AGMAT: variants seen among roughly 807,000 people sequenced by gnomAD.
The protein encoded by AGMAT is guanidino acid hydrolase, mitochondrial.
A neutral mutation model predicts 29.3 loss-of-function variants in AGMAT; 37 were observed. That is an observed-to-expected ratio of 1.26 (90% confidence interval 0.97 to 1.66). The LOEUF (loss-of-function observed/expected upper bound fraction) is 1.66. Among genes scored for constraint, AGMAT ranks in the 40% most tolerant of loss-of-function variants. The pLI, the probability that AGMAT is intolerant of heterozygous loss-of-function variation, is 0.00. For synonymous variants in AGMAT, 199 were observed against 200.8 expected, an observed-to-expected ratio of 0.99 and a Z score of 0.08; for missense variants, 498 against 497.8, an observed-to-expected ratio of 1.00 and a Z score of 0.00.
At position 15,573,670 on chromosome 1, in the gene AGMAT, G is replaced by C; in HGVS notation, c.1040C>G (p.Pro347Arg). 6.2e-7 allele frequency: 1 copy of C among 1,614,120 alleles called. No individual in the cohort carries two copies. The highest frequency in any genetic ancestry group is 8.5e-7 in the Non-Finnish European group (1 of 1,180,006). ...CAAGACTCAGACGGTTGTCACTTTG[G>C]GGAGAGCACATAGCATCTCAAACAG... is the stretch of plus-strand genomic sequence containing the variant. ...NLLFEMLCAL[P>R]KVTTV Residue 347 changes from proline to arginine, a missense_variant, in exon 7 of 7, where the codon CCC (proline) becomes CGC (arginine). Transcript: ENST00000375826.
chr1:15,582,032 G>A (rs1639122441), intron 2 of AGMAT, among the ~76,000 whole-genome samples: 1 of 151,636 alleles, frequency 6.6e-6, no homozygotes, highest in African/African-American at 2.4e-5. Context: ...ACTTTGGAAG[G>A]CCGAGGTGGG....
rs748259944 is a variant in AGMAT at position 15,579,009 on chromosome 1, C to T, written c.570G>A (p.Thr190=). 4.0e-5 allele frequency: 65 copies of T among 1,613,980 alleles called. 1 individual carries two copies. The highest frequency in any genetic ancestry group is 1.5e-4 in the African/African-American group (11 of 74,926). ...GLLHVDAHTD[T]TDKALGEKLY... ...GCTTCTCTCCTAGGGCCTTGTCGGT[C>T]GTGTCCGTGTGCGCATCCACGTGCA... Residue 190 remains threonine (T), a synonymous_variant, in exon 4 of 7, where the codon ACG becomes ACA. Coordinates refer to ENST00000375826, the MANE Select transcript of AGMAT (RefSeq NM_024758.5).
rs377114742 is a variant in AGMAT at position 15,583,238 on chromosome 1, C to A, written c.430G>T (p.Ala144Ser). 7 of 1,613,976 alleles carry A rather than the reference C, an allele frequency of 4.3e-6. No individual in the cohort carries two copies. Among genetic ancestry groups the A allele is most frequent in the African/African-American group, 1.3e-5 (1 of 74,914 alleles). Residue 144 changes from alanine (A) to serine (S), a missense_variant, in exon 2 of 7, where the codon GCC becomes TCC. Physicochemically the swap from Ala to Ser is moderately conservative, Grantham distance 99. Coordinates refer to ENST00000375826, the MANE Select transcript of AGMAT (RefSeq NM_024758.5). ...CCAGCTGCTACAATTTTCTCATAGG[C>A]CTCTTGAATTCGCCGGCAGCTGTCC... ...LQDSCRRIQE[A>S]YEKIVAAGCI...
At position 15,573,506 on chromosome 1, in the gene AGMAT, T is replaced by C. The variant is rs529205678; in HGVS notation, c.*145A>G. 1.3e-4 allele frequency: 87 copies of C among 666,750 alleles called. No homozygotes were observed. Among genetic ancestry groups the C allele is most frequent in the Non-Finnish European group, 2.1e-4 (79 of 380,812 alleles). 41.3% of individuals were successfully genotyped at this position (666,750 alleles called of 1,614,324 possible). A position where few individuals can be genotyped will look rare whatever the true frequency, so the allele number is the denominator to read the frequency against. On this transcript the variant is annotated 3_prime_UTR_variant, in exon 7 of 7. Coordinates refer to ENST00000375826, the MANE Select transcript of AGMAT (RefSeq NM_024758.5). The stretch of plus-strand genomic sequence containing the variant: ...GCTGTTTGGGTGAGAATTCTACTGA[T>C]TATCCCGACTTCACAGCCAGCAATG...
chr1:15,574,482 G>A (rs1039873643), intron 6 of AGMAT, among the ~76,000 whole-genome samples: 1 of 151,498 alleles, frequency 6.6e-6, no homozygotes, highest in Non-Finnish European at 1.5e-5. Flanking sequence ...GGTTCTAAGC[G>A]ATTCTCCTGC....
Position 15,573,335 on chromosome 1 carries a change from T to G in AGMAT, c.*316A>C, listed in dbSNP as rs748226692. On this transcript the variant is annotated 3_prime_UTR_variant, in exon 7 of 7. Transcript: ENST00000375826. ...TATTATTTCATAGTTTTTTTAAATGTCATGTTTCTAATGTTTAGATAATCT... is the reference window on the plus strand; with the variant it reads ...TATTATTTCATAGTTTTTTTAAATGGCATGTTTCTAATGTTTAGATAATCT... The G allele has an allele frequency of 7.6e-6, 2 of 262,170 alleles. No individual in the cohort carries two copies. Among genetic ancestry groups the G allele is most frequent in the Non-Finnish European group, 1.5e-5 (2 of 134,444 alleles). 16.2% of individuals were successfully genotyped at this position (262,170 alleles called of 1,614,324 possible).
rs149178480 is a variant in AGMAT at position 15,577,826 on chromosome 1, C to T, written c.759G>A (p.Lys253=). The T allele has an allele frequency of 5.0e-6, 8 of 1,614,084 alleles. No homozygotes were observed. The African/African-American group carries it at 5.3e-5, about 11-fold the overall frequency. Residue 253 remains lysine (K), a synonymous_variant, in exon 5 of 7, where the codon AAG becomes AAA. Coordinates refer to ENST00000375826, the MANE Select transcript of AGMAT (RefSeq NM_024758.5). Reference sequence around the variant, plus strand: ...CTTCCCCCATCAGAGGAACCAGCGACTTCATCCAGCAGTCTTCAGCCAGGA... The same window carrying T: ...CTTCCCCCATCAGAGGAACCAGCGATTTCATCCAGCAGTCTTCAGCCAGGA... The part of the protein sequence containing the change: ...RVVLAEDCWM[K]SLVPLMGEVR...
chr1:15,577,468 G>A (rs1396517718), intron 5 of AGMAT, among the ~76,000 whole-genome samples: 1 of 152,180 alleles, frequency 6.6e-6, no homozygotes, highest in Non-Finnish European at 1.5e-5. Context: ...AGCTACTCAG[G>A]AGGCTGAGGC....
At chr1:15,574,542 C>T (rs1361068925) in intron 6 of AGMAT, among the ~76,000 whole-genome samples, 1 of 152,012 alleles carries the variant, frequency 6.6e-6, no homozygotes, top group Non-Finnish European at 1.5e-5. Flanking sequence ...CCACACCTGG[C>T]TAATTTTTAT....
At position 15,572,161 on chromosome 1, in the gene AGMAT, A is replaced by T. The variant is rs1638961625; in HGVS notation, c.*1490T>A. Among the ~76,000 whole-genome samples, 1 of 150,668 alleles carries T rather than the reference A, an allele frequency of 6.6e-6. No homozygotes were observed. Among genetic ancestry groups the T allele is most frequent in the Non-Finnish European group, 1.5e-5 (1 of 67,756 alleles). ...CTCCATCTCAGAAAAAAAAAAAAAA[A>T]AAAAAGCCCAGCTGACATTTTCCAG... On this transcript the variant is annotated 3_prime_UTR_variant, in exon 7 of 7. Coordinates refer to ENST00000375826, the MANE Select transcript of AGMAT (RefSeq NM_024758.5).
At position 15,573,129 on chromosome 1, in the gene AGMAT, G is replaced by C. The variant is rs1301685147; in HGVS notation, c.*522C>G. The C allele has an allele frequency of 6.5e-6, 1 of 152,926 alleles. No individual in the cohort carries two copies. Among genetic ancestry groups the C allele is most frequent in the African/African-American group, 2.4e-5 (1 of 41,288 alleles). The allele number at this position is 152,926 out of a possible 1,614,324, so 9.5% of individuals were successfully genotyped here. On this transcript the variant is annotated 3_prime_UTR_variant, in exon 7 of 7. Coordinates refer to ENST00000375826, the MANE Select transcript of AGMAT (RefSeq NM_024758.5). ...CAAAAATTAGCCAGGCGTGGTGGCAGGCACCTGTAATCCCAGGTACTCAGG... is the reference window on the plus strand; with the variant it reads ...CAAAAATTAGCCAGGCGTGGTGGCACGCACCTGTAATCCCAGGTACTCAGG...
chr1:15,572,186 GT>G lies in AGMAT; in HGVS notation c.*1464del, dbSNP rs75849790. 4.4e-3 allele frequency among the ~76,000 whole-genome samples: 647 copies of G among 147,622 alleles called. 34 individuals are homozygous for G. In the East Asian group the frequency reaches 0.098, roughly 22 times the overall value. On this transcript the variant is annotated 3_prime_UTR_variant, in exon 7 of 7. Coordinates refer to ENST00000375826, the MANE Select transcript of AGMAT (RefSeq NM_024758.5). Reference sequence around the variant, plus strand: ...AAAAAAGCCCAGCTGACATTTTCCAGTTTTGTTTTGTTTTCTGGGGTTTTTT... The same window carrying G: ...AAAAAAGCCCAGCTGACATTTTCCAGTTTGTTTTGTTTTCTGGGGTTTTTT...
chr1:15,578,419 C>T (rs533795903), intron 4 of AGMAT, among the ~76,000 whole-genome samples: 61 of 152,160 alleles, frequency 4.0e-4, no homozygotes, highest in Non-Finnish European at 6.9e-4. Flanking sequence ...CTCAGTCTCC[C>T]GAGTAGCTGG....
rs749080126 is a variant in AGMAT at position 15,574,771 on chromosome 1, G to A, written c.971C>T (p.Pro324Leu). The change falls in exon 6 of 7, where the codon CCG (proline) becomes CTG (leucine). Residue 324 changes from proline to leucine, a missense_variant. Physicochemically the swap from Pro to Leu is moderately conservative, Grantham distance 98. Transcript: ENST00000375826. ...TGCTTACTCACCAGAAAGATCATAC[G>A]GTGGTGAAACTTCGACAAGATCACA... ...MGCDLVEVSP[P>L]YDLSGNTALL... The A allele has an allele frequency of 3.1e-6, 5 of 1,613,560 alleles. No homozygotes were observed. The highest frequency in any genetic ancestry group is 1.7e-5 in the Admixed American group (1 of 59,990).
At chr1:15,576,433 GTTGGT>G (rs1639037819) in intron 5 of AGMAT, among the ~76,000 whole-genome samples, 1 of 148,276 alleles carries the variant, frequency 6.7e-6, no homozygotes, top group African/African-American at 2.5e-5. Context: ...TGGTTGGTTG[GTTGGT>G]TTTTTTTTTG....
At chr1:15,574,284 A>G (rs1002357157) in intron 6 of AGMAT, among the ~76,000 whole-genome samples, 1 of 151,936 alleles carries the variant, frequency 6.6e-6, no homozygotes, top group Non-Finnish European at 1.5e-5. Flanking sequence ...GTTAGGGTTA[A>G]TGAGCTCATG....
At chr1:15,576,772 TGGA>T (rs1639046061) in intron 5 of AGMAT, among the ~76,000 whole-genome samples, 1 of 125,268 alleles carries the variant, frequency 8.0e-6, no homozygotes, top group Admixed American at 8.5e-5. Flanking sequence ...TTTTTTGAGA[TGGA>T]GTTTCACTCT....
chr1:15,582,439 G>C (rs1270854148), intron 2 of AGMAT, among the ~76,000 whole-genome samples: 1 of 152,166 alleles, frequency 6.6e-6, no homozygotes, highest in Non-Finnish European at 1.5e-5. Flanking sequence ...TTGCTAGGGA[G>C]AAGTGCAGCT....
intron 1 of AGMAT, among the ~76,000 whole-genome samples, chr1:15,584,392 C>T (rs537827181): frequency 7.9e-5 from 12 of 152,134 alleles, no homozygotes; most frequent in African/African-American, 2.2e-4. Context: ...CCTCGTGATC[C>T]GCCCGCCTCA....
Sources: gnomAD v4.1 joint callset for allele counts (sites outside exome capture counted in the v4.1 genomes callset) on GRCh38, gnomAD v4.1.1 for gene constraint, MANE v1.5 for transcripts, NCBI Gene and HGNC (gene_info 2026-07-23, HGNC 2026-07-21) for gene names.